The following RAB2B variants were observed in gnomAD, a reference collection of about 807,000 sequenced individuals.
The protein encoded by RAB2B is ras-related protein Rab-2B.
A neutral mutation model predicts 29.8 loss-of-function variants in RAB2B; 20 were observed. The observed-to-expected ratio is 0.67, with a 90% CI of 0.47 to 0.97. The LOEUF is 0.97. RAB2B is among the 50% of genes least tolerant of loss of function. RAB2B has a pLI of 0.00. For missense variants in RAB2B, 218 were observed against 272.0 expected, an observed-to-expected ratio of 0.80 and a Z score of 1.40; for synonymous variants, 93 against 91.7, an observed-to-expected ratio of 1.01 and a Z score of -0.08.
intron 5 of RAB2B, among the ~76,000 whole-genome samples, chr14:21,466,976 A>G (rs965935577): frequency 2.0e-5 from 3 of 151,934 alleles, no homozygotes; most frequent in African/African-American, 4.8e-5. Context: ...GCACTATCTC[A>G]GCTCACTGCA....
Position 21,463,667 on chromosome 14 carries a change from T to G in RAB2B, c.463A>C (p.Asn155His). ...TTTCCAAATAGTACCTCTTCAACATTGCAGGCTGTTTTGGCTGAAGTTTCC... is the reference window on the plus strand; with the variant it reads ...TTTCCAAATAGTACCTCTTCAACATGGCAGGCTGTTTTGGCTGAAGTTTCC... Reference protein sequence around the residue: ...FMETSAKTACNVEEAFINTAK... With the variant: ...FMETSAKTACHVEEAFINTAK... Residue 155 changes from asparagine to histidine, a missense_variant, in exon 6 of 8, where the codon AAT becomes CAT. Physicochemically the swap from Asn to His is moderately conservative, Grantham distance 68 (BLOSUM62 1). Transcript: ENST00000397762. The G allele has an allele frequency of 6.2e-7, 1 of 1,610,754 alleles. No individual in the cohort carries two copies. The highest frequency in any genetic ancestry group is 8.5e-7 in the Non-Finnish European group (1 of 1,176,946).
chr14:21,474,949 CGA>C lies in RAB2B; in HGVS notation c.119-17_119-16del, dbSNP rs1566474362. The C allele has an allele frequency of 1.2e-6, 2 of 1,612,152 alleles. No individual in the cohort carries two copies. Among genetic ancestry groups the C allele is most frequent in the Non-Finnish European group, 1.7e-6 (2 of 1,178,352 alleles). On this transcript the variant is annotated splice_polypyrimidine_tract_variant and intron_variant, in intron 2 of 7. Coordinates refer to ENST00000397762, the MANE Select transcript of RAB2B (RefSeq NM_032846.4). ...AAACTCCACACCTGTCGGTAAAGAC[CGA>C]GAGAAAGAATGTGATTCTCACGAAC...
chr14:21,462,774 G>A (rs1482147716), intron 6 of RAB2B, among the ~76,000 whole-genome samples: 1 of 147,284 alleles, frequency 6.8e-6, no homozygotes, highest in Non-Finnish European at 1.5e-5. Context: ...AGGAGCGCAG[G>A]TTGCAGTGAG....
Position 21,470,473 on chromosome 14 carries a change from CCAA to C in RAB2B, c.187-1724_187-1722del, listed in dbSNP as rs1037981109. 6.0e-4 allele frequency among the ~76,000 whole-genome samples: 91 copies of C among 152,158 alleles called. 1 individual carries two copies. The highest frequency in any genetic ancestry group is 2.1e-3 in the African/African-American group (89 of 41,504). On this transcript the variant is annotated intron_variant, in intron 3 of 7. Transcript: ENST00000397762. ...GTATACTAACTCTAAGGTTAATTTT[CCAA>C]CAACAGAAGAATCTCTTTCTATAAG...
Position 21,473,881 on chromosome 14 carries a change from A to G in RAB2B, c.186+986T>C, listed in dbSNP as rs925340191. On this transcript the variant is annotated intron_variant, in intron 3 of 7. Transcript: ENST00000397762. ...CAAAAAATTAGCCAGGCGTGGTGTC[A>G]GGCGCCTGTAGTCCCAGCTATTCGG... Among the ~76,000 whole-genome samples the G allele has an allele frequency of 3.6e-4, 55 of 152,098 alleles. 1 individual carries two copies. Among genetic ancestry groups the G allele is most frequent in the Non-Finnish European group, 1.2e-4 (8 of 68,000 alleles).
rs992322849 is a variant in RAB2B, at chr14:21,473,681, C to T, written c.186+1186G>A. 8.6e-4 allele frequency among the ~76,000 whole-genome samples: 130 copies of T among 152,042 alleles called. 6 individuals carry two copies. Among genetic ancestry groups the T allele is most frequent in the East Asian group, 1.9e-4 (1 of 5,180 alleles). The stretch of plus-strand genomic sequence containing the variant: ...GGATCACCTGAGGTCAGTTCAACAC[C>T]GGCCTGGCCAACATGGCAAAACCCC... On this transcript the variant is annotated intron_variant, in intron 3 of 7. Coordinates refer to ENST00000397762, the MANE Select transcript of RAB2B (RefSeq NM_032846.4).
At chr14:21,467,124 G>T (rs183185936) in intron 5 of RAB2B, among the ~76,000 whole-genome samples, 2 of 152,060 alleles carry the variant, frequency 1.3e-5, no homozygotes, top group Admixed American at 1.3e-4. Context: ...GGCCAGGCTG[G>T]TCTTGAACTC....
At chr14:21,464,391 C>A (rs1890639775) in intron 5 of RAB2B, among the ~76,000 whole-genome samples, 1 of 148,066 alleles carries the variant, frequency 6.8e-6, no homozygotes, top group Admixed American at 6.8e-5. Context: ...CAGAGCAAGA[C>A]TGTCTCTTGG....
Position 21,463,651 on chromosome 14 carries a change from A to T in RAB2B, c.474+5T>A. On this transcript the variant is annotated splice_donor_5th_base_variant and intron_variant, in intron 6 of 7. Transcript: ENST00000397762. ...GAGCTTTCCCCACTGTTTTCCAAAT[A>T]GTACCTCTTCAACATTGCAGGCTGT... is the stretch of plus-strand genomic sequence containing the variant. 10 of 1,586,030 alleles carry T rather than the reference A, an allele frequency of 6.3e-6. No individual in the cohort carries two copies. Among genetic ancestry groups the T allele is most frequent in the Non-Finnish European group, 7.8e-6 (9 of 1,154,752 alleles).
rs761752010 is a variant in RAB2B at position 21,476,677 on chromosome 14, G to A, written c.47-78C>T. 11 of 1,612,316 alleles carry A rather than the reference G, an allele frequency of 6.8e-6. No homozygotes were observed. In the East Asian group the frequency reaches 1.8e-4, roughly 26 times the overall value. Reference sequence around the variant, plus strand: ...AGTATGGACTTCCCGGACCAGAGAAGGGGGGCTCCCGAGCCCCGCCCCCGG... The same window carrying A: ...AGTATGGACTTCCCGGACCAGAGAAAGGGGGCTCCCGAGCCCCGCCCCCGG... On this transcript the variant is annotated intron_variant, in intron 1 of 7. Transcript: ENST00000397762.
At chr14:21,462,913 G>A (rs1275892346) in intron 6 of RAB2B, among the ~76,000 whole-genome samples, 13 of 150,362 alleles carry the variant, frequency 8.6e-5, no homozygotes, top group Non-Finnish European at 1.8e-4. Context: ...AAGCCATTAA[G>A]AGTAGTTTCA....
At chr14:21,468,204 T>C (rs1890727669) in intron 5 of RAB2B, among the ~76,000 whole-genome samples, 153 bp downstream of exon 5, 1 of 152,086 alleles carries the variant, frequency 6.6e-6, no homozygotes, top group African/African-American at 2.4e-5. Flanking sequence ...GTTAAAATGG[T>C]AAATTTTGTG....
In RAB2B at chr14:21,461,149, G is replaced by T; in HGVS notation, c.*47C>A. The T allele has an allele frequency of 7.7e-7, 1 of 1,298,594 alleles. No individual in the cohort carries two copies. The highest frequency in any genetic ancestry group is 1.1e-6 in the Non-Finnish European group (1 of 903,604). 80.4% of individuals were successfully genotyped at this position (1,298,594 alleles called of 1,614,324 possible). A position where few individuals can be genotyped will look rare whatever the true frequency, so the allele number is the denominator to read the frequency against. ...AAAGACCTCTTTCATTAAGCCTATT[G>T]ATCTGAAGCTATTCCAGGAAGGACA... On this transcript the variant is annotated 3_prime_UTR_variant, in exon 8 of 8. Transcript: ENST00000397762.
chr14:21,463,263 T>TTG (rs1890608293), intron 6 of RAB2B, among the ~76,000 whole-genome samples: 1 of 150,966 alleles, frequency 6.6e-6, no homozygotes, highest in Non-Finnish European at 1.5e-5. Flanking sequence ...TTTTTTTTTT[T>TTG]GGAGATGGAG....
chr14:21,467,410 C>T (rs992176297), intron 5 of RAB2B, among the ~76,000 whole-genome samples: 2 of 152,190 alleles, frequency 1.3e-5, no homozygotes, highest in South Asian at 2.1e-4. Flanking sequence ...CCTTCCAGAG[C>T]TGGGATTACA....
chr14:21,469,125 A>T (rs548049061), intron 3 of RAB2B, among the ~76,000 whole-genome samples: 9 of 151,954 alleles, frequency 5.9e-5, no homozygotes, highest in Non-Finnish European at 1.3e-4. Context: ...ACAACTGGAA[A>T]TAGGACTGGA....
At chr14:21,464,904 G>A (rs1475056120) in intron 5 of RAB2B, among the ~76,000 whole-genome samples, 3 of 152,106 alleles carry the variant, frequency 2.0e-5, no homozygotes, top group African/African-American at 4.8e-5. Flanking sequence ...GTGAGAGGCT[G>A]AGGTGAGAGG....
chr14:21,466,696 C>G, intron 5 of RAB2B, among the ~76,000 whole-genome samples: 1 of 152,104 alleles, frequency 6.6e-6, no homozygotes, highest in Non-Finnish European at 1.5e-5. Flanking sequence ...CAATATCAGA[C>G]CATGATAAAA....
rs539789262 is a variant in RAB2B at position 21,468,844 on chromosome 14, C to A, written c.187-92G>T. 3.8e-5 allele frequency: 26 copies of A among 678,948 alleles called. No individual in the cohort carries two copies. The African/African-American group carries it at 4.1e-4, about 11-fold the overall frequency. 42.1% of individuals were successfully genotyped at this position (678,948 alleles called of 1,614,324 possible). A position where few individuals can be genotyped will look rare whatever the true frequency, so the allele number is the denominator to read the frequency against. On this transcript the variant is annotated intron_variant, in intron 3 of 7. Coordinates refer to ENST00000397762, the MANE Select transcript of RAB2B (RefSeq NM_032846.4). The stretch of plus-strand genomic sequence containing the variant: ...TCACATGCCACCCTAATACAAAGGA[C>A]TTAACTAAAAAAAGAATTTCTATTA...
Sources: allele counts gnomAD v4.1 joint callset (sites outside exome capture counted in the v4.1 genomes callset), GRCh38; gene constraint gnomAD v4.1.1; transcripts MANE v1.5; gene names NCBI Gene and HGNC (gene_info 2026-07-23, HGNC 2026-07-21).